The following C1QTNF3 variants were observed in gnomAD, a reference collection of about 807,000 sequenced individuals.
C1QTNF3 encodes C1q and TNF related 3.
C1QTNF3 carries 26 observed loss-of-function variants against 32.6 expected under a neutral mutation model. The observed-to-expected ratio is 0.80, with a 90% confidence interval of 0.58 to 1.11. The LOEUF (loss-of-function observed/expected upper bound fraction) is 1.11. Among genes scored for constraint, C1QTNF3 ranks in the 50% least tolerant of loss-of-function variants. C1QTNF3 has a pLI of 0.00. For missense variants in C1QTNF3, 362 were observed against 398.2 expected, an observed-to-expected ratio of 0.91 and a Z score of 0.77; for synonymous variants, 155 against 146.0, an observed-to-expected ratio of 1.06 and a Z score of -0.44.
chr5:34,072,462 C>A, the C1QTNF3 span, among the ~76,000 whole-genome samples: 2 of 152,064 alleles, frequency 1.3e-5, no homozygotes, highest in African/African-American at 4.8e-5. Context: ...TGAGGCTCAG[C>A]AAATGATGGA....
chr5:34,171,200 T>TCTAA, the C1QTNF3 span, among the ~76,000 whole-genome samples: 6 of 152,114 alleles, frequency 3.9e-5, no homozygotes, highest in African/African-American at 1.4e-4. Context: ...AGGGTAGTTT[T>TCTAA]AGAGTTCAGG....
chr5:34,048,172 T>C (rs976013252), upstream of C1QTNF3, among the ~76,000 whole-genome samples: 11 of 152,194 alleles, frequency 7.2e-5, no homozygotes, highest in African/African-American at 1.7e-4. Flanking sequence ...ACATGTATTA[T>C]AGATGTTTGC....
At chr5:34,075,942 A>G in the C1QTNF3 span, among the ~76,000 whole-genome samples, 1 of 151,236 alleles carries the variant, frequency 6.6e-6, no homozygotes, top group Admixed American at 6.6e-5. Flanking sequence ...TCAGCCTTAA[A>G]AAGGAAAAGA....
chr5:34,202,830 C>G, the C1QTNF3 span, among the ~76,000 whole-genome samples: 201 of 152,002 alleles, frequency 1.3e-3, 3 homozygotes, highest in East Asian at 0.035. Context: ...GCCTGACAAC[C>G]TTTTTAGTCA....
the C1QTNF3 span, among the ~76,000 whole-genome samples, chr5:34,092,298 T>C: frequency 3.1e-4 from 47 of 151,946 alleles, no homozygotes; most frequent in South Asian, 9.5e-3. Context: ...AATATACTCA[T>C]GGCATCATGG....
the C1QTNF3 span, among the ~76,000 whole-genome samples, chr5:34,112,134 AT>A: frequency 6.6e-6 from 1 of 152,222 alleles, no homozygotes; most frequent in African/African-American, 2.4e-5. Flanking sequence ...TATTTGGAGT[AT>A]AAAAGTAGTT....
At chr5:34,201,909 G>T in the C1QTNF3 span, among the ~76,000 whole-genome samples, 1 of 152,022 alleles carries the variant, frequency 6.6e-6, no homozygotes. Flanking sequence ...TGCAATCCTG[G>T]GTCAAAAAGA....
In C1QTNF3 at chr5:34,018,417, A is replaced by G. The variant is rs1754246464; in HGVS notation, c.*2166T>C. On this transcript the variant is annotated 3_prime_UTR_variant, in exon 6 of 6. Coordinates refer to ENST00000382065, the MANE Select transcript of C1QTNF3 (RefSeq NM_181435.6). ...CCTTCTATGGCTGTAAAAACATTCT[A>G]CTTTATGTTTTGTTATCCATGTACT... Among the ~76,000 whole-genome samples the G allele has an allele frequency of 6.6e-6, 1 of 151,990 alleles. No homozygotes were observed.
intron 4 of C1QTNF3, among the ~76,000 whole-genome samples, chr5:34,027,979 C>CT (rs927996583): frequency 6.0e-4 from 89 of 147,118 alleles, no homozygotes; most frequent in Middle Eastern, 3.5e-3. Context: ...TAAACAAGCT[C>CT]TTTTTTTTTT....
chr5:34,118,533 A>T, the C1QTNF3 span, among the ~76,000 whole-genome samples: 242 of 152,060 alleles, frequency 1.6e-3, 1 homozygote, highest in African/African-American at 5.7e-3. Context: ...TTTGAAAATC[A>T]TTTTGTTGTA....
chr5:34,211,934 C>T, the C1QTNF3 span, among the ~76,000 whole-genome samples: 1 of 152,010 alleles, frequency 6.6e-6, no homozygotes, highest in Non-Finnish European at 1.5e-5. Context: ...AAAAAAGAGC[C>T]CGCATCGCCA....
chr5:34,168,822 C>T, the C1QTNF3 span: 6 of 152,258 alleles, frequency 3.9e-5, no homozygotes, highest in East Asian at 3.9e-4. Context: ...TGAAGACCAT[C>T]GGGCCACCTA....
At chr5:34,230,170 A>G in the C1QTNF3 span, among the ~76,000 whole-genome samples, 2 of 152,218 alleles carry the variant, frequency 1.3e-5, no homozygotes, top group Admixed American at 1.3e-4. Context: ...AAGCTGCCCA[A>G]GACAGGGAAC....
At chr5:34,219,954 T>C in the C1QTNF3 span, 8 of 152,108 alleles carry the variant, frequency 5.3e-5, no homozygotes, top group Admixed American at 5.3e-4. Context: ...TTCAGTTCTA[T>C]TTGAAAAGAC....
the C1QTNF3 span, among the ~76,000 whole-genome samples, chr5:34,159,661 T>C: frequency 1.1e-4 from 17 of 152,208 alleles, 1 homozygote; most frequent in Admixed American, 3.3e-4. Context: ...TAGATAGTTC[T>C]TTATCTTCAA....
At chr5:34,056,471 TATATATATAGAGAGAGAGAGAG>T in the C1QTNF3 span, among the ~76,000 whole-genome samples, 3 of 110,114 alleles carry the variant, frequency 2.7e-5, no homozygotes, top group Admixed American at 9.9e-5. Context: ...TATATATATA[TATATATATAGAGAGAGAGAGAG>T]AGAGAGAGAG....
intron 5 of C1QTNF3, among the ~76,000 whole-genome samples, chr5:34,022,851 G>T (rs1323214473): frequency 6.6e-6 from 1 of 151,972 alleles, no homozygotes; most frequent in African/African-American, 2.4e-5. Context: ...TTGTTTGTTT[G>T]TTTTTTGTTT....
the C1QTNF3 span, among the ~76,000 whole-genome samples, chr5:34,052,067 G>A: frequency 1.3e-5 from 2 of 152,144 alleles, no homozygotes; most frequent in African/African-American, 4.8e-5. Flanking sequence ...GAACCCCGGA[G>A]GTGAATGTTG....
chr5:34,211,214 ATT>A, the C1QTNF3 span, among the ~76,000 whole-genome samples: 2 of 151,482 alleles, frequency 1.3e-5, no homozygotes, highest in South Asian at 2.1e-4. Context: ...ATGTTATAAT[ATT>A]TTCTCAAATA....
Sources: gnomAD v4.1 joint callset for allele counts (sites outside exome capture counted in the v4.1 genomes callset) on GRCh38, gnomAD v4.1.1 for gene constraint, MANE v1.5 for transcripts, NCBI Gene and HGNC (gene_info 2026-07-23, HGNC 2026-07-21) for gene names.